Variants in ANKRD62 observed in about 807,000 individuals in gnomAD.
ANKRD62 encodes the protein ankyrin repeat domain 62.
In ANKRD62, 61 loss-of-function variants were observed where a neutral mutation model predicts 98.8. The ratio of observed to expected loss-of-function variants is 0.62; its 90% confidence interval spans 0.50 to 0.76. The LOEUF is 0.76. ANKRD62 is among the 30% of genes least tolerant of loss of function. The pLI is 0.00. For missense variants in ANKRD62, 933 were observed against 1,082.9 expected, an observed-to-expected ratio of 0.86 and a Z score of 1.94; for synonymous variants, 341 against 367.9, an observed-to-expected ratio of 0.93 and a Z score of 0.84.
the ANKRD62 span, among the ~76,000 whole-genome samples, chr18:12,145,651 C>T: frequency 6.6e-6 from 1 of 152,172 alleles, no homozygotes; most frequent in East Asian, 1.9e-4. Context: ...CAGTGGTCTC[C>T]AGCTAACACA....
chr18:12,095,447 G>A lies in ANKRD62; in HGVS notation c.344G>A (p.Cys115Tyr). 6.4e-7 allele frequency: 1 copy of A among 1,571,786 alleles called. No homozygotes were observed. The highest frequency in any genetic ancestry group is 8.6e-7 in the Non-Finnish European group (1 of 1,163,686). ...NRTALIKAVQ[C>Y]QEEVCASILL... ...GTCTAATACTGACAGGCTGTACAAT[G>A]TCAAGAAGAAGTTTGTGCATCCATC... Residue 115 changes from cysteine (C) to tyrosine (Y), a missense_variant, in exon 3 of 14, where the codon TGT (cysteine) becomes TAT (tyrosine). This residue lies in a region of ANKRD62 where 549 missense variants were observed against 587.9 expected (regional missense o/e 0.93). Transcript: ENST00000587848.
rs561506603 is a variant in ANKRD62, at chr18:12,118,571, C to T, written c.1240+3037C>T. ...TTGCAGTGAGCCAAGTTTGTGTCAT[C>T]GCACTCCAGTCTCGGAGACAGAGTA... On this transcript the variant is annotated intron_variant, in intron 10 of 13. Transcript: ENST00000587848. Among the ~76,000 whole-genome samples, 21 of 146,970 alleles carry T rather than the reference C, an allele frequency of 1.4e-4. No individual in the cohort carries two copies. In the East Asian group the frequency reaches 2.8e-3, roughly 20 times the overall value.
At chr18:12,129,976 G>A (rs1598739993), downstream of ANKRD62, among the ~76,000 whole-genome samples, 2 of 152,088 alleles carry the variant, frequency 1.3e-5, no homozygotes, top group Admixed American at 6.5e-5. Flanking sequence ...ATTCTAAGAC[G>A]TGCTGAGGAG....
At chr18:12,123,859 G>T (rs944468407) in intron 11 of ANKRD62, among the ~76,000 whole-genome samples, 1 of 152,148 alleles carries the variant, frequency 6.6e-6, no homozygotes, top group Non-Finnish European at 1.5e-5. Context: ...TGAAGAAAAG[G>T]TAATTTTTAA....
chr18:12,131,425 A>G (rs1388450759), downstream of ANKRD62, among the ~76,000 whole-genome samples: 3 of 152,242 alleles, frequency 2.0e-5, no homozygotes, highest in Non-Finnish European at 4.4e-5. Flanking sequence ...AAAGATGTGA[A>G]AACAAACATT....
the ANKRD62 span, among the ~76,000 whole-genome samples, chr18:12,135,511 G>A: frequency 1.2e-3 from 174 of 150,516 alleles, 5 homozygotes; most frequent in South Asian, 7.1e-3. Flanking sequence ...ATACGTGTGC[G>A]TGTGTCTTTA....
At chr18:12,133,510 A>T (rs530939371), downstream of ANKRD62, among the ~76,000 whole-genome samples, 1 of 152,336 alleles carries the variant, frequency 6.6e-6, no homozygotes, top group Non-Finnish European at 1.5e-5. Flanking sequence ...CCAGCAGTGT[A>T]TGAGGGTTCC....
intron 5 of ANKRD62, chr18:12,098,535 CAGTTACA>C (rs1233720009): frequency 3.3e-5 from 5 of 152,230 alleles, no homozygotes; most frequent in African/African-American, 9.6e-5. Context: ...ATATTTTACA[CAGTTACA>C]AGAAGGCCAT....
At chr18:12,146,445 G>C in the ANKRD62 span, among the ~76,000 whole-genome samples, 1 of 152,200 alleles carries the variant, frequency 6.6e-6, no homozygotes, top group East Asian at 1.9e-4. Flanking sequence ...ACTTTTTTGG[G>C]GGGGCGTGTG....
chr18:12,165,867 T>C, the ANKRD62 span, among the ~76,000 whole-genome samples: 24 of 152,192 alleles, frequency 1.6e-4, no homozygotes, highest in Non-Finnish European at 2.9e-4. Flanking sequence ...TTTTTGTTTC[T>C]CCTTCATGAT....
chr18:12,145,619 TGGGG>T, the ANKRD62 span, among the ~76,000 whole-genome samples: 3 of 152,206 alleles, frequency 2.0e-5, no homozygotes, highest in African/African-American at 7.2e-5. Flanking sequence ...AGCTCTCAAC[TGGGG>T]TCTTCAGCTA....
the ANKRD62 span, among the ~76,000 whole-genome samples, chr18:12,138,958 C>T: frequency 6.6e-6 from 1 of 152,280 alleles, no homozygotes; most frequent in Non-Finnish European, 1.5e-5. Context: ...AGATGGGTTT[C>T]CTGAATACAG....
chr18:12,178,599 C>T, the ANKRD62 span, among the ~76,000 whole-genome samples: 1 of 145,696 alleles, frequency 6.9e-6, no homozygotes, highest in East Asian at 2.0e-4. Context: ...TAAATATAAT[C>T]GAGGTATATT....
rs558742310 is a variant in ANKRD62 at position 12,094,119 on chromosome 18, C to T, written c.102C>T (p.Val34=). The T allele has an allele frequency of 2.0e-6, 3 of 1,533,960 alleles. No individual in the cohort carries two copies. In the South Asian group the frequency reaches 3.6e-5, roughly 18 times the overall value. Residue 34 remains valine, a synonymous_variant, in exon 1 of 14, where the codon GTC becomes GTT. Coordinates refer to ENST00000587848, the MANE Select transcript of ANKRD62 (RefSeq NM_001277333.2). ...GCTTCTCAAATCCCGGGTACCGAGT[C>T]CGGCAGAAGGATCTGGGCATGATCC... The part of the protein sequence containing the change: ...KDGFSNPGYR[V]RQKDLGMIHK...
chr18:12,094,056 A>G lies in ANKRD62; in HGVS notation c.39A>G (p.Arg13=), dbSNP rs1407573905. Residue 13 remains arginine, a synonymous_variant, in exon 1 of 14, where the codon AGA becomes AGG. Transcript: ENST00000587848. The part of the protein sequence containing the change: ...VRGSFLAACR[R]RMATWRKNRD... ...GGTCGTTCCTGGCGGCCTGCAGGAG[A>G]CGCATGGCTACCTGGAGGAAGAATC... is the stretch of plus-strand genomic sequence containing the variant. The G allele has an allele frequency of 6.5e-7, 1 of 1,534,958 alleles. No individual in the cohort carries two copies. The highest frequency in any genetic ancestry group is 1.2e-5 in the South Asian group (1 of 83,998).
At chr18:12,161,880 C>A in the ANKRD62 span, among the ~76,000 whole-genome samples, 2 of 152,084 alleles carry the variant, frequency 1.3e-5, no homozygotes, top group African/African-American at 4.8e-5. Context: ...GCTGAATATA[C>A]ACAACTCCAT....
the ANKRD62 span, among the ~76,000 whole-genome samples, chr18:12,174,202 G>GT: frequency 3.9e-4 from 59 of 150,948 alleles, no homozygotes; most frequent in African/African-American, 6.3e-4. Context: ...TTTTATTCTT[G>GT]TTTTTCTTTC....
chr18:12,112,408 A>G (rs937357198), intron 8 of ANKRD62, among the ~76,000 whole-genome samples: 3 of 152,182 alleles, frequency 2.0e-5, no homozygotes, highest in Non-Finnish European at 4.4e-5. Flanking sequence ...ACCCAGAAAT[A>G]TGAACACACA....
chr18:12,175,889 TA>T, the ANKRD62 span, among the ~76,000 whole-genome samples: 12 of 151,982 alleles, frequency 7.9e-5, no homozygotes, highest in East Asian at 2.3e-3. Flanking sequence ...GCTCTTTAAT[TA>T]AAAATTAAAC....
Sources: allele counts gnomAD v4.1 joint callset (sites outside exome capture counted in the v4.1 genomes callset), GRCh38; gene constraint gnomAD v4.1.1; regional missense constraint gnomAD v4.1.1; transcripts MANE v1.5; gene names NCBI Gene and HGNC (gene_info 2026-07-23, HGNC 2026-07-21).